The following CTSO variants were observed in gnomAD, a reference collection of about 807,000 sequenced individuals.
CTSO encodes cathepsin O.
CTSO carries 40 observed loss-of-function variants against 42.4 expected under a neutral mutation model. The ratio of observed to expected loss-of-function variants is 0.94; its 90% CI spans 0.73 to 1.23. CTSO has a LOEUF of 1.23. Ranked by LOEUF, CTSO falls within the 50% of genes most tolerant of loss-of-function variation. CTSO has a pLI of 0.00. For missense variants in CTSO, 441 were observed against 396.0 expected, an observed-to-expected ratio of 1.11 and a Z score of -0.96; for synonymous variants, 156 against 146.2, an observed-to-expected ratio of 1.07 and a Z score of -0.48.
At chr4:155,945,188 C>T (rs148572282) in intron 1 of CTSO, among the ~76,000 whole-genome samples, 472 of 151,896 alleles carry the variant, frequency 3.1e-3, no homozygotes, top group Non-Finnish European at 4.5e-3. Context: ...ACCTGGAAGG[C>T]GGAGGTTGCA....
intron 2 of CTSO, 56 bp from the exon 3 acceptor site, chr4:155,942,512 TTA>T (rs1336354206): frequency 1.0e-5 from 8 of 784,934 alleles, no homozygotes; most frequent in Non-Finnish European, 1.2e-5. Context: ...ATATATTATA[TTA>T]TATATATCAT....
intron 5 of CTSO, among the ~76,000 whole-genome samples, chr4:155,934,123 G>A (rs1420284657): frequency 6.6e-6 from 1 of 152,190 alleles, no homozygotes; most frequent in East Asian, 1.9e-4. Context: ...TAGGCCCAGG[G>A]TCCTTGTGCT....
chr4:155,932,417 T>A (rs1441624340), intron 5 of CTSO, among the ~76,000 whole-genome samples: 1 of 152,156 alleles, frequency 6.6e-6, no homozygotes, highest in Non-Finnish European at 1.5e-5. Context: ...AATAATATTA[T>A]TGAAGTACAA....
intron 5 of CTSO, among the ~76,000 whole-genome samples, chr4:155,930,878 G>A (rs1049500691): frequency 6.6e-6 from 1 of 152,064 alleles, no homozygotes; most frequent in African/African-American, 2.4e-5. Context: ...TTTTGCTACT[G>A]TAAAACAGTT....
intron 4 of CTSO, among the ~76,000 whole-genome samples, chr4:155,938,259 C>T (rs532825309): frequency 1.3e-5 from 2 of 152,288 alleles, no homozygotes; most frequent in African/African-American, 4.8e-5. Flanking sequence ...CTGTACAAAA[C>T]CCTCCCTTTT....
chr4:155,936,001 A>G (rs1419369577), intron 5 of CTSO, among the ~76,000 whole-genome samples: 2 of 151,698 alleles, frequency 1.3e-5, no homozygotes, highest in African/African-American at 4.8e-5. Flanking sequence ...TTTTTTTTCA[A>G]TTTCCTACCA....
At chr4:155,934,201 T>C (rs1743288469) in intron 5 of CTSO, among the ~76,000 whole-genome samples, 1 of 152,112 alleles carries the variant, frequency 6.6e-6, no homozygotes, top group African/African-American at 2.4e-5. Flanking sequence ...GGGGCCAACA[T>C]AGAGCTCAGG....
intron 4 of CTSO, among the ~76,000 whole-genome samples, chr4:155,938,783 CAAAAAACAAAAAAA>C (rs549550775): frequency 6.6e-6 from 1 of 151,636 alleles, no homozygotes; most frequent in East Asian, 1.9e-4. Context: ...AAACAAAAAA[CAAAAAACAAAAAAA>C]ACAAAAAAAT....
rs1743118745 is a variant in CTSO at position 155,925,765 on chromosome 4, T to C, written c.*271A>G. On this transcript the variant is annotated 3_prime_UTR_variant, in exon 8 of 8. Coordinates refer to ENST00000433477, the MANE Select transcript of CTSO (RefSeq NM_001334.3). ...CTTCCCCAGTTGCAGGGGCCTAAAA[T>C]ATCTCCTAATCTGAATTTCGTCTCA... The C allele has an allele frequency of 4.9e-6, 2 of 406,770 alleles. No individual in the cohort carries two copies. Among genetic ancestry groups the C allele is most frequent in the South Asian group, 6.9e-5 (1 of 14,460 alleles). 25.2% of individuals were successfully genotyped at this position (406,770 alleles called of 1,614,324 possible).
intron 4 of CTSO, among the ~76,000 whole-genome samples, chr4:155,937,882 C>T (rs1231960144): frequency 6.6e-6 from 1 of 152,178 alleles, no homozygotes; most frequent in Non-Finnish European, 1.5e-5. Flanking sequence ...TCCCAAAATA[C>T]TGGGATTACA....
Position 155,928,401 on chromosome 4 carries a change from T to A in CTSO, c.866A>T (p.Asn289Ile). Residue 289 changes from asparagine (N) to isoleucine (I), a missense_variant, in exon 7 of 8, where the codon AAT (asparagine) becomes ATT (isoleucine). Transcript: ENST00000433477. ...TGSTPYWIVR[N>I]SWGSSWGVDG... ...TACTCCCCAAGAACTTCCCCAGGAATTCCGCACAATCCAATATGGAGTGCT... is the reference window on the plus strand; with the variant it reads ...TACTCCCCAAGAACTTCCCCAGGAAATCCGCACAATCCAATATGGAGTGCT... The A allele has an allele frequency of 6.2e-7, 1 of 1,613,190 alleles. No individual in the cohort carries two copies. The highest frequency in any genetic ancestry group is 8.5e-7 in the Non-Finnish European group (1 of 1,179,498).
Position 155,951,417 on chromosome 4 carries a change from C to A in CTSO, c.135+2296G>T, listed in dbSNP as rs537477812. 6.4e-4 allele frequency among the ~76,000 whole-genome samples: 97 copies of A among 152,234 alleles called. 1 individual carries two copies. The highest frequency in any genetic ancestry group is 2.2e-3 in the African/African-American group (91 of 41,550). On this transcript the variant is annotated intron_variant, in intron 1 of 7. Transcript: ENST00000433477. ...GGAAGTTTCTAAAGGAGTGAAAGTG[C>A]AGAGATAAGGGGTGCCATCCAAAGT...
chr4:155,928,610 C>T (rs897198803), intron 6 of CTSO, among the ~76,000 whole-genome samples, 182 bp from the exon 7 acceptor site: 32 of 152,230 alleles, frequency 2.1e-4, no homozygotes, highest in Non-Finnish European at 3.8e-4. Context: ...GCAGTACTTA[C>T]GGACACTCTC....
At position 155,943,250 on chromosome 4, in the gene CTSO, T is replaced by C; in HGVS notation, c.150A>G (p.Arg50=). 1 of 1,605,334 alleles carries C rather than the reference T, an allele frequency of 6.2e-7. No individual in the cohort carries two copies. The highest frequency in any genetic ancestry group is 8.5e-7 in the Non-Finnish European group (1 of 1,172,452). ...GAAATAAAGAATTCAAGTATCGATGTCTATTAAGACTTTCCTAGAAGAAAA... is the reference window on the plus strand; with the variant it reads ...GAAATAAAGAATTCAAGTATCGATGCCTATTAAGACTTTCCTAGAAGAAAA... ...EAAAFRESLN[R]HRYLNSLFPS... is the part of the protein sequence containing the mutation. Residue 50 remains arginine (R), a synonymous_variant, in exon 2 of 8, where the codon AGA becomes AGG. Transcript: ENST00000433477.
chr4:155,947,168 AC>A (rs1366609513), intron 1 of CTSO, among the ~76,000 whole-genome samples: 2 of 152,002 alleles, frequency 1.3e-5, no homozygotes, highest in Admixed American at 6.6e-5. Context: ...CCTCTTTTTA[AC>A]TTTGCAACAA....
chr4:155,926,183 T>C, intron 7 of CTSO, 113 bp from the exon 8 acceptor site: 1 of 687,124 alleles, frequency 1.5e-6, no homozygotes, highest in Non-Finnish European at 2.5e-6. Context: ...GAGAAAATAA[T>C]GTAATGCTTA....
chr4:155,935,194 G>T (rs776302478), intron 5 of CTSO, among the ~76,000 whole-genome samples: 1 of 152,076 alleles, frequency 6.6e-6, no homozygotes, highest in Non-Finnish European at 1.5e-5. Context: ...TCTTGCTGCC[G>T]CCACGTAAGT....
Position 155,925,256 on chromosome 4 carries a change from C to T in CTSO, c.*780G>A, listed in dbSNP as rs531245486. 1 of 152,096 alleles carries T rather than the reference C, an allele frequency of 6.6e-6. No homozygotes were observed. Among genetic ancestry groups the T allele is most frequent in the Non-Finnish European group, 1.5e-5 (1 of 67,994 alleles). 9.4% of individuals were successfully genotyped at this position (152,096 alleles called of 1,614,324 possible). A position where few individuals can be genotyped will look rare whatever the true frequency, so the allele number is the denominator to read the frequency against. On this transcript the variant is annotated 3_prime_UTR_variant, in exon 8 of 8. Transcript: ENST00000433477. ...GATAATATTTTGGTATTTTGATATACTAGAGAACAAAATATTATTCTATAG... is the reference window on the plus strand; with the variant it reads ...GATAATATTTTGGTATTTTGATATATTAGAGAACAAAATATTATTCTATAG...
chr4:155,926,446 C>A (rs1743130060), intron 7 of CTSO, among the ~76,000 whole-genome samples: 2 of 152,254 alleles, frequency 1.3e-5, no homozygotes, highest in South Asian at 4.2e-4. Flanking sequence ...AACTCAAATT[C>A]TAAAATTTGA....
Sources: allele counts gnomAD v4.1 joint callset (sites outside exome capture counted in the v4.1 genomes callset), GRCh38; gene constraint gnomAD v4.1.1; transcripts MANE v1.5; gene names NCBI Gene and HGNC (gene_info 2026-07-23, HGNC 2026-07-21).